The following GOLGA4 variants were observed in gnomAD, a reference collection of about 807,000 sequenced individuals.
GOLGA4 encodes golgin A4, also known as golgin subfamily A member 4.
Under a neutral mutation model 265.9 loss-of-function variants are expected in GOLGA4, and 169 were observed. The ratio of observed to expected loss-of-function variants is 0.64; its 90% confidence interval spans 0.56 to 0.72. GOLGA4 has a LOEUF of 0.72. GOLGA4 is among the 30% of genes least tolerant of loss of function. The probability of loss-of-function intolerance (pLI) is 0.00; values close to 1 mark genes in which losing one functional copy is unlikely to be tolerated. For synonymous variants in GOLGA4, 923 were observed against 855.8 expected (o/e 1.08, Z -1.37); for missense variants, 2,482 against 2,483.4 (o/e 1.00, Z 0.01).
rs79136951 is a variant in GOLGA4 at position 37,279,558 on chromosome 3, G to A, written c.163-2400G>A. ...AAGACTCATGTGCTTTACTTGCTGTGTTTTTTTTCCTTCTTTTCTGCTCTG... is the reference window on the plus strand; with the variant it reads ...AAGACTCATGTGCTTTACTTGCTGTATTTTTTTTCCTTCTTTTCTGCTCTG... On this transcript the variant is annotated intron_variant, in intron 2 of 23. Transcript: ENST00000361924. Among the ~76,000 whole-genome samples the A allele has an allele frequency of 6.3e-3, 957 of 152,048 alleles. 7 individuals are homozygous for A. The highest frequency in any genetic ancestry group is 0.01 in the Non-Finnish European group (705 of 67,964).
chr3:37,317,901 C>T (rs2096942439), intron 11 of GOLGA4, among the ~76,000 whole-genome samples: 1 of 151,134 alleles, frequency 6.6e-6, no homozygotes, highest in African/African-American at 2.4e-5. Context: ...TTATTTACAA[C>T]TTGTTTTCGT....
intron 6 of GOLGA4, among the ~76,000 whole-genome samples, chr3:37,295,878 A>T (rs948771317): frequency 2.0e-5 from 3 of 152,232 alleles, no homozygotes; most frequent in Admixed American, 2.0e-4. Flanking sequence ...TAGGTAGTTT[A>T]TGTAATCTAG....
At chr3:37,306,472 C>A in intron 10 of GOLGA4, among the ~76,000 whole-genome samples, 1 of 148,178 alleles carries the variant, frequency 6.7e-6, no homozygotes, top group African/African-American at 2.5e-5. Flanking sequence ...TTAATGCTAC[C>A]GAAGTTCACA....
At chr3:37,332,948 G>A (rs184246509) in intron 16 of GOLGA4, among the ~76,000 whole-genome samples, 13 of 152,212 alleles carry the variant, frequency 8.5e-5, no homozygotes, top group South Asian at 6.2e-4. Context: ...ATACACATGC[G>A]TGTAGGAGTG....
rs1051982847 is a variant in GOLGA4, at chr3:37,254,777, C to T, written c.162+3293C>T. Among the ~76,000 whole-genome samples, 8 of 150,370 alleles carry T rather than the reference C, an allele frequency of 5.3e-5. No individual in the cohort carries two copies. The East Asian group carries it at 5.8e-4, about 11-fold the overall frequency. Reference sequence around the variant, plus strand: ...TCGGCCTCCCAAAGTGCTGGGATTACGGGCGCGAGCCACTGTGCCGGGCCG... The same window carrying T: ...TCGGCCTCCCAAAGTGCTGGGATTATGGGCGCGAGCCACTGTGCCGGGCCG... On this transcript the variant is annotated intron_variant, in intron 2 of 23. Coordinates refer to ENST00000361924, the MANE Select transcript of GOLGA4 (RefSeq NM_002078.5).
At chr3:37,334,410 T>G (rs2097002364) in intron 16 of GOLGA4, among the ~76,000 whole-genome samples, 1 of 152,016 alleles carries the variant, frequency 6.6e-6, no homozygotes, top group South Asian at 2.1e-4. Context: ...ACATTTTACC[T>G]CAGAGAACAA....
At position 37,366,360 on chromosome 3, in the gene GOLGA4, A is replaced by G; in HGVS notation, c.*314A>G. 1 of 385,302 alleles carries G rather than the reference A, an allele frequency of 2.6e-6. No homozygotes were observed. Among genetic ancestry groups the G allele is most frequent in the Non-Finnish European group, 4.6e-6 (1 of 218,188 alleles). The allele number at this position is 385,302 out of a possible 1,614,324, so 23.9% of individuals were successfully genotyped here. A position where few individuals can be genotyped will look rare whatever the true frequency, so the allele number is the denominator to read the frequency against. Reference sequence around the variant, plus strand: ...ATAACTTAACCTGCTTTATGGGCTTACATAATATTCCTTTCATCCATTCTT... The same window carrying G: ...ATAACTTAACCTGCTTTATGGGCTTGCATAATATTCCTTTCATCCATTCTT... On this transcript the variant is annotated 3_prime_UTR_variant, in exon 24 of 24. Coordinates refer to ENST00000361924, the MANE Select transcript of GOLGA4 (RefSeq NM_002078.5).
intron 10 of GOLGA4, among the ~76,000 whole-genome samples, chr3:37,313,673 C>CATA (rs1440777134): frequency 6.6e-6 from 1 of 152,076 alleles, no homozygotes; most frequent in Non-Finnish European, 1.5e-5. Flanking sequence ...GCAAATAATG[C>CATA]ATGTGTGTGT....
rs773081235 is a variant in GOLGA4, at chr3:37,361,256, G to A, written c.6677G>A (p.Arg2226His). Residue 2226 changes from arginine to histidine, a missense_variant, in exon 23 of 24, where the codon CGC (arginine) becomes CAC (histidine). Around this residue, in one of 3 missense-constraint regions of GOLGA4, gnomAD observed 942 missense variants for 983.1 expected, o/e 0.96. Coordinates refer to ENST00000361924, the MANE Select transcript of GOLGA4 (RefSeq NM_002078.5). Reference protein sequence around the residue: ...EDARLMFTSPRSGIF With the variant: ...EDARLMFTSPHSGIF ...CTGGCTTTGTAGTTTACTTCACCTCGCAGTGGTATCTTCTGAGTAAACCAT... is the reference window on the plus strand; with the variant it reads ...CTGGCTTTGTAGTTTACTTCACCTCACAGTGGTATCTTCTGAGTAAACCAT... 10 of 1,612,302 alleles carry A rather than the reference G, an allele frequency of 6.2e-6. No homozygotes were observed. The highest frequency in any genetic ancestry group is 2.7e-5 in the African/African-American group (2 of 74,798).
At chr3:37,268,234 A>G (rs1333673563) in intron 2 of GOLGA4, among the ~76,000 whole-genome samples, 1 of 151,992 alleles carries the variant, frequency 6.6e-6, no homozygotes, top group East Asian at 1.9e-4. Context: ...GACATATGCC[A>G]CCATGCCCAG....
rs1696654282 is a variant in GOLGA4 at position 37,365,207 on chromosome 3, G to T, written c.*34-873G>T. Among the ~76,000 whole-genome samples the T allele has an allele frequency of 2.6e-5, 4 of 152,236 alleles. No homozygotes were observed. The South Asian group carries it at 8.3e-4, about 32-fold the overall frequency. On this transcript the variant is annotated intron_variant, in intron 23 of 23. Coordinates refer to ENST00000361924, the MANE Select transcript of GOLGA4 (RefSeq NM_002078.5). ...CTTTTGCTATTATGTCATGCTGGGAGAATTGCAATTTGTAGAATAATCAGC... is the reference window on the plus strand; with the variant it reads ...CTTTTGCTATTATGTCATGCTGGGATAATTGCAATTTGTAGAATAATCAGC...
At chr3:37,280,546 A>G (rs1402716466) in intron 2 of GOLGA4, among the ~76,000 whole-genome samples, 2 of 152,186 alleles carry the variant, frequency 1.3e-5, no homozygotes, top group Non-Finnish European at 1.5e-5. Flanking sequence ...TGAAATCCAA[A>G]ATACCTGGTT....
At position 37,340,201 on chromosome 3, in the gene GOLGA4, TA is replaced by T; in HGVS notation, c.6472+4del. 8.1e-7 allele frequency: 1 copy of T among 1,231,360 alleles called. No individual in the cohort carries two copies. The highest frequency in any genetic ancestry group is 1.2e-6 in the Non-Finnish European group (1 of 862,836). The allele number at this position is 1,231,360 out of a possible 1,614,324, so 76.3% of individuals were successfully genotyped here. A position where few individuals can be genotyped will look rare whatever the true frequency, so the allele number is the denominator to read the frequency against. On this transcript the variant is annotated splice_donor_region_variant and intron_variant, in intron 20 of 23. Coordinates refer to ENST00000361924, the MANE Select transcript of GOLGA4 (RefSeq NM_002078.5). ...CAACTGTGGGGACACCTTACAAAGGTAAGGATGATCTCGTGTCATGTTATTA... is the reference window on the plus strand; with the variant it reads ...CAACTGTGGGGACACCTTACAAAGGTAGGATGATCTCGTGTCATGTTATTA...
chr3:37,273,442 C>A, intron 2 of GOLGA4: 2 of 670,000 alleles, frequency 3.0e-6, no homozygotes, highest in South Asian at 1.7e-5. Context: ...ATAAATGTAT[C>A]TGATAGGTCT....
In GOLGA4 at chr3:37,296,064, C is replaced by T. The variant is rs192991593; in HGVS notation, c.682-23C>T. 6.0e-4 allele frequency: 957 copies of T among 1,608,218 alleles called. 4 individuals are homozygous for T. In the African/African-American group the frequency reaches 9.2e-3, roughly 16 times the overall value. On this transcript the variant is annotated intron_variant, in intron 6 of 23. Coordinates refer to ENST00000361924, the MANE Select transcript of GOLGA4 (RefSeq NM_002078.5). ...TCCCATAGTTTTTTTTGACTTTTTT[C>T]TAATGAAGCACATTTATATTAGGTT...
At chr3:37,304,326 TC>T (rs1333050159) in intron 10 of GOLGA4, among the ~76,000 whole-genome samples, 4 of 152,220 alleles carry the variant, frequency 2.6e-5, no homozygotes, top group Non-Finnish European at 5.9e-5. Context: ...CATAAGTATC[TC>T]CCCATCTTCT....
At chr3:37,288,756 G>A (rs2096857213) in intron 4 of GOLGA4, among the ~76,000 whole-genome samples, 2 of 152,272 alleles carry the variant, frequency 1.3e-5, no homozygotes, top group South Asian at 4.1e-4. Context: ...GGGATTACAG[G>A]TGTGAGCCAC....
chr3:37,327,163 A>G lies in GOLGA4; in HGVS notation c.5277A>G (p.Lys1759=). The change falls in exon 14 of 24, where the codon AAA becomes AAG. Residue 1759 remains lysine, a synonymous_variant. Transcript: ENST00000361924. ...EKLLQRVGQE[K]EETVSSHFEM... ...TATTGCAGAGGGTAGGGCAGGAAAA[A>G]GAAGAGACAGTTTCTTCTCATTTTG... 6.2e-7 allele frequency: 1 copy of G among 1,613,892 alleles called. No individual in the cohort carries two copies. Among genetic ancestry groups the G allele is most frequent in the Non-Finnish European group, 8.5e-7 (1 of 1,179,856 alleles).
In GOLGA4 at chr3:37,325,522, A is replaced by G. The variant is rs763385416; in HGVS notation, c.3636A>G (p.Glu1212=). 1 of 1,613,878 alleles carries G rather than the reference A, an allele frequency of 6.2e-7. No individual in the cohort carries two copies. The highest frequency in any genetic ancestry group is 8.5e-7 in the Non-Finnish European group (1 of 1,179,840). The part of the protein sequence containing the change: ...KSLEFKKLSE[E]LAIQLDICCK... The stretch of plus-strand genomic sequence containing the variant: ...TGGAATTTAAAAAACTGTCTGAGGA[A>G]CTAGCGATTCAGCTAGATATTTGCT... The change falls in exon 14 of 24, where the codon GAA becomes GAG. Residue 1212 remains glutamate, a synonymous_variant. Coordinates refer to ENST00000361924, the MANE Select transcript of GOLGA4 (RefSeq NM_002078.5).
Sources: gnomAD v4.1 joint callset for allele counts (sites outside exome capture counted in the v4.1 genomes callset) on GRCh38, gnomAD v4.1.1 for gene constraint, gnomAD v4.1.1 regional missense constraint, MANE v1.5 for transcripts, NCBI Gene and HGNC (gene_info 2026-07-23, HGNC 2026-07-21) for gene names.